The following PLCB1 variants were observed in gnomAD, a reference collection of about 807,000 sequenced individuals.
PLCB1 encodes 1-phosphatidylinositol 4,5-bisphosphate phosphodiesterase beta-1.
PLCB1 carries 46 observed loss-of-function variants against 161.8 expected under a neutral mutation model. The ratio of observed to expected loss-of-function variants is 0.28; its 90% CI spans 0.22 to 0.36. The LOEUF (loss-of-function observed/expected upper bound fraction) is 0.36, where lower values mean the gene tolerates loss of function less well. Ranked by LOEUF, PLCB1 falls within the 10% of genes least tolerant of loss-of-function variation. The pLI is 1.00. For missense variants in PLCB1, 1,016 were observed against 1,472.5 expected, an observed-to-expected ratio of 0.69 and a Z score of 5.07; for synonymous variants, 517 against 503.7, an observed-to-expected ratio of 1.03 and a Z score of -0.35.
chr20:8,788,390 G>T, intron 27 of PLCB1, 59 bp from the exon 28 acceptor site: 1 of 1,485,028 alleles, frequency 6.7e-7, no homozygotes, highest in South Asian at 1.2e-5. Context: ...TGAGGGAGGT[G>T]GGAAGGAAGC....
intron 9 of PLCB1, among the ~76,000 whole-genome samples, chr20:8,668,965 C>T: frequency 1.3e-5 from 2 of 152,196 alleles, no homozygotes; most frequent in East Asian, 3.8e-4. Context: ...TAACATATAC[C>T]TAATGCAGTT....
chr20:8,150,242 AT>A, intron 1 of PLCB1, 51 bp from the exon 2 acceptor site: 2 of 782,288 alleles, frequency 2.6e-6, no homozygotes, highest in Admixed American at 2.5e-5. Flanking sequence ...TCCTGGATAG[AT>A]TTTTCTACAG....
intron 31 of PLCB1, among the ~76,000 whole-genome samples, chr20:8,796,676 AAT>A (rs1984041171): frequency 6.6e-6 from 1 of 152,220 alleles, no homozygotes; most frequent in Non-Finnish European, 1.5e-5. Context: ...TTAGGAAACA[AAT>A]ATAGTTATGC....
rs1986123534 is a variant in PLCB1 at position 8,561,012 on chromosome 20, A to G, written c.247-67282A>G. On this transcript the variant is annotated intron_variant, in intron 3 of 31. Coordinates refer to ENST00000338037, the MANE Select transcript of PLCB1 (RefSeq NM_015192.4). ...CCTAGTCAGCAGAATTAAACTGCTC[A>G]AGGAGAAAAAGTGGTGATAAACTAG... Among the ~76,000 whole-genome samples, 2 of 151,956 alleles carry G rather than the reference A, an allele frequency of 1.3e-5. 1 individual carries two copies. The highest frequency in any genetic ancestry group is 4.1e-4 in the South Asian group (2 of 4,824).
At chr20:8,157,975 C>T (rs1250454664) in intron 2 of PLCB1, among the ~76,000 whole-genome samples, 4 of 152,118 alleles carry the variant, frequency 2.6e-5, no homozygotes, top group African/African-American at 9.7e-5. Context: ...AATTTAATTA[C>T]AAAATTGTTC....
intron 31 of PLCB1, among the ~76,000 whole-genome samples, chr20:8,860,128 G>A (rs1041867591): frequency 2.6e-5 from 4 of 152,172 alleles, no homozygotes; most frequent in Non-Finnish European, 5.9e-5. Context: ...TTACTCCAGC[G>A]AATAATGGGA....
At chr20:8,515,518 C>T (rs1984072284) in intron 3 of PLCB1, among the ~76,000 whole-genome samples, 1 of 152,140 alleles carries the variant, frequency 6.6e-6, no homozygotes, top group Non-Finnish European at 1.5e-5. Context: ...CAAACTGATG[C>T]CTGGTGTATC....
chr20:8,802,124 TC>T, intron 31 of PLCB1: 4 of 1,612,050 alleles, frequency 2.5e-6, no homozygotes, highest in Non-Finnish European at 3.4e-6. Flanking sequence ...CCAACTTTAC[TC>T]CCCCCAACCC....
intron 19 of PLCB1, among the ~76,000 whole-genome samples, chr20:8,736,591 T>C (rs532352020): frequency 6.6e-6 from 1 of 152,326 alleles, no homozygotes; most frequent in East Asian, 1.9e-4. Flanking sequence ...TGACTCACAG[T>C]TCTGCATGGC....
At chr20:8,303,990 T>TA (rs764752884) in intron 2 of PLCB1, among the ~76,000 whole-genome samples, 73 of 152,326 alleles carry the variant, frequency 4.8e-4, no homozygotes, top group Middle Eastern at 6.8e-3. Flanking sequence ...CTCAAATGAA[T>TA]AGCATTTCTT....
chr20:8,730,693 C>G lies in PLCB1; in HGVS notation c.1888+1519C>G, dbSNP rs186741434. Among the ~76,000 whole-genome samples, 340 of 151,590 alleles carry G rather than the reference C, an allele frequency of 2.2e-3. 2 individuals carry two copies. The highest frequency in any genetic ancestry group is 3.5e-3 in the Admixed American group (53 of 15,220). On this transcript the variant is annotated intron_variant, in intron 18 of 31. Coordinates refer to ENST00000338037, the MANE Select transcript of PLCB1 (RefSeq NM_015192.4). ...AAATTTATCTGACAAAAACTGACAC[C>G]TTTTTAATTTTTAGTTTTTCTGTCA... is the stretch of plus-strand genomic sequence containing the variant.
At chr20:8,582,742 C>A (rs1302518483) in intron 3 of PLCB1, among the ~76,000 whole-genome samples, 1 of 152,160 alleles carries the variant, frequency 6.6e-6, no homozygotes, top group Admixed American at 6.5e-5. Flanking sequence ...AATCCCAGAA[C>A]TTTGGGAGGC....
Position 8,181,495 on chromosome 20 carries a change from A to G in PLCB1, c.177+31124A>G, listed in dbSNP as rs559874590. On this transcript the variant is annotated intron_variant, in intron 2 of 31. Transcript: ENST00000338037. ...TAAGCAAAGGGAAAACTAGCATATG[A>G]CAAAATAGCTGAAACCAGAGGTAGA... Among the ~76,000 whole-genome samples the G allele has an allele frequency of 1.4e-4, 22 of 152,320 alleles. No homozygotes were observed. In the East Asian group the frequency reaches 4.1e-3, roughly 28 times the overall value.
intron 31 of PLCB1, among the ~76,000 whole-genome samples, chr20:8,879,227 T>G (rs1987886878): frequency 1.3e-5 from 2 of 151,998 alleles, no homozygotes; most frequent in African/African-American, 4.8e-5. Context: ...CTAGGTTGAT[T>G]GAATGTCTTT....
At chr20:8,625,653 G>T (rs564319004) in intron 3 of PLCB1, among the ~76,000 whole-genome samples, 2 of 152,188 alleles carry the variant, frequency 1.3e-5, no homozygotes, top group Admixed American at 6.5e-5. Context: ...AAATATTGTG[G>T]TTTCTTCTGA....
At chr20:8,851,513 A>C (rs1003160018) in intron 31 of PLCB1, among the ~76,000 whole-genome samples, 2 of 152,134 alleles carry the variant, frequency 1.3e-5, no homozygotes, top group Admixed American at 1.3e-4. Context: ...CCTGTATGGT[A>C]GTGGGTTACT....
chr20:8,784,425 T>C (rs1048864614), intron 27 of PLCB1, among the ~76,000 whole-genome samples: 1 of 152,160 alleles, frequency 6.6e-6, no homozygotes, highest in South Asian at 2.1e-4. Context: ...TAGCTGGGTA[T>C]GGTGGCACAC....
At chr20:8,237,891 C>G (rs912126533) in intron 2 of PLCB1, among the ~76,000 whole-genome samples, 18 of 151,956 alleles carry the variant, frequency 1.2e-4, no homozygotes, top group Admixed American at 1.0e-3. Context: ...ATTAATCCTG[C>G]CAACTTCTTA....
At chr20:8,418,585 A>G (rs1008096829) in intron 3 of PLCB1, among the ~76,000 whole-genome samples, 3 of 152,108 alleles carry the variant, frequency 2.0e-5, no homozygotes, top group Non-Finnish European at 4.4e-5. Context: ...TTCATTTAAT[A>G]TAAATTACTT....
Sources: gnomAD v4.1 joint callset for allele counts (sites outside exome capture counted in the v4.1 genomes callset) on GRCh38, gnomAD v4.1.1 for gene constraint, MANE v1.5 for transcripts, NCBI Gene and HGNC (gene_info 2026-07-23, HGNC 2026-07-21) for gene names.